RBFOX1: variants seen among roughly 807,000 people sequenced by gnomAD.
RBFOX1 encodes the protein RNA binding protein fox-1 homolog 1.
In RBFOX1, 8 loss-of-function variants were observed where a neutral mutation model predicts 57.7. The ratio of observed to expected loss-of-function variants is 0.14; its 90% confidence interval spans 0.08 to 0.25. RBFOX1 has a LOEUF of 0.25. Among genes scored for constraint, RBFOX1 ranks in the 10% least tolerant of loss-of-function variants. The probability of loss-of-function intolerance (pLI) is 1.00; values close to 1 mark genes in which losing one functional copy is unlikely to be tolerated. For missense variants in RBFOX1, 611 were observed against 548.5 expected (o/e 1.11, Z -1.14); for synonymous variants, 326 against 222.4 (o/e 1.47, Z -4.15).
At chr16:7,099,148 AAGTT>A (rs143294556) in intron 4 of RBFOX1, among the ~76,000 whole-genome samples, 4,412 of 152,274 alleles carry the variant, frequency 0.029, 116 homozygotes, top group Middle Eastern at 0.065. Context: ...TGTTTACTAA[AAGTT>A]AGTTGTAACC....
chr16:6,974,089 C>T (rs558699521), intron 3 of RBFOX1, among the ~76,000 whole-genome samples: 1 of 152,242 alleles, frequency 6.6e-6, no homozygotes, highest in East Asian at 1.9e-4. Context: ...CATCCATGTC[C>T]CTGCAAAGGA....
intron 3 of RBFOX1, among the ~76,000 whole-genome samples, chr16:6,804,226 A>G (rs1377646167): frequency 6.6e-6 from 1 of 151,520 alleles, no homozygotes; most frequent in East Asian, 2.0e-4. Flanking sequence ...GCCAGGCTGG[A>G]CTCAAACTCC....
chr16:7,414,712 G>T (rs560543569), intron 4 of RBFOX1, among the ~76,000 whole-genome samples: 1 of 152,256 alleles, frequency 6.6e-6, no homozygotes, highest in Non-Finnish European at 1.5e-5. Flanking sequence ...CCGCCTCCCG[G>T]GTTCAAGCGA....
At chr16:6,197,256 C>T (rs562641436) in intron 1 of RBFOX1, among the ~76,000 whole-genome samples, 9 of 152,238 alleles carry the variant, frequency 5.9e-5, no homozygotes, top group African/African-American at 1.7e-4. Flanking sequence ...ACTGAGATTT[C>T]TAGTTCCAGT....
In RBFOX1 at chr16:7,330,488, GTGTGTGTGTGTGTGTGTGTGTT is replaced by G. The variant is rs1172115274; in HGVS notation, c.28-187643_28-187622del. Among the ~76,000 whole-genome samples, 52 of 112,836 alleles carry G rather than the reference GTGTGTGTGTGTGTGTGTGTGTT, an allele frequency of 4.6e-4. 1 individual carries two copies. The highest frequency in any genetic ancestry group is 2.1e-3 in the African/African-American group (47 of 22,244). The allele number at this position is 112,836 out of a possible 152,430, so 74.0% of individuals were successfully genotyped here. On this transcript the variant is annotated intron_variant, in intron 4 of 15. Transcript: ENST00000550418. ...TGGAGAGCTCTGTGTGTGTGTGTGT[GTGTGTGTGTGTGTGTGTGTGTT>G]TGTGTGTGTGTGTGTAGAGAGAGAG...
chr16:7,142,525 A>G (rs1203909792), intron 4 of RBFOX1, among the ~76,000 whole-genome samples: 1 of 152,006 alleles, frequency 6.6e-6, no homozygotes, highest in Non-Finnish European at 1.5e-5. Context: ...GCTCTTCCCT[A>G]TACTGTTCTC....
chr16:7,601,509 G>C (rs751160946), intron 9 of RBFOX1, among the ~76,000 whole-genome samples: 8 of 152,138 alleles, frequency 5.3e-5, no homozygotes, highest in Non-Finnish European at 1.0e-4. Flanking sequence ...GATGCTAAAA[G>C]GGGCTGAACA....
chr16:7,023,422 T>C (rs947270028), intron 3 of RBFOX1, among the ~76,000 whole-genome samples: 6 of 150,818 alleles, frequency 4.0e-5, no homozygotes, highest in African/African-American at 1.5e-4. Context: ...ATCATGTCAT[T>C]GAATTCTAGC....
At chr16:6,256,211 GTATATATATGTATATATATATGTGTA>G (rs2097663641) in intron 1 of RBFOX1, among the ~76,000 whole-genome samples, 1 of 11,166 alleles carries the variant, frequency 9.0e-5, no homozygotes, top group Non-Finnish European at 2.1e-4. Context: ...ATGTATATGT[GTATATATATGTATATATATATGTGTA>G]TATATATATG....
intron 2 of RBFOX1, among the ~76,000 whole-genome samples, chr16:6,370,240 C>T (rs1278479944): frequency 1.5e-4 from 23 of 151,834 alleles, no homozygotes; most frequent in African/African-American, 5.3e-4. Context: ...CGGCTGTAGT[C>T]CCAGCTACTG....
At chr16:7,021,053 G>C (rs1422431388) in intron 3 of RBFOX1, among the ~76,000 whole-genome samples, 1 of 152,154 alleles carries the variant, frequency 6.6e-6, no homozygotes, top group Non-Finnish European at 1.5e-5. Flanking sequence ...GGTTGAACCT[G>C]GGAGGCAGAG....
At chr16:6,940,810 G>A (rs13332776) in intron 3 of RBFOX1, among the ~76,000 whole-genome samples, 50,378 of 133,714 alleles carry the variant, frequency 0.38, 10,037 homozygotes, top group African/African-American at 0.51. Flanking sequence ...GTGTGTGTGT[G>A]TAGCTGGGAG....
At chr16:6,645,210 A>C (rs2098524090) in intron 2 of RBFOX1, among the ~76,000 whole-genome samples, 1 of 152,188 alleles carries the variant, frequency 6.6e-6, no homozygotes, top group South Asian at 2.1e-4. Context: ...CCACCCAGAT[A>C]ATACAGAATT....
intron 13 of RBFOX1, among the ~76,000 whole-genome samples, chr16:7,671,825 T>C (rs930993554): frequency 6.6e-6 from 1 of 152,198 alleles, no homozygotes; most frequent in Admixed American, 6.5e-5. Flanking sequence ...CTTCCAAATA[T>C]GGGTGCTGTT....
chr16:7,484,078 A>G (rs983200193), intron 4 of RBFOX1, among the ~76,000 whole-genome samples: 12 of 152,192 alleles, frequency 7.9e-5, no homozygotes, highest in Admixed American at 2.0e-4. Flanking sequence ...AATAAATGGA[A>G]TCATACTGTG....
chr16:6,922,076 A>G (rs575135586), intron 3 of RBFOX1, among the ~76,000 whole-genome samples: 1 of 152,168 alleles, frequency 6.6e-6, no homozygotes, highest in Non-Finnish European at 1.5e-5. Context: ...CAGGTTAATC[A>G]CTGCCCAGAT....
chr16:7,681,608 A>G (rs1431629962), intron 14 of RBFOX1, among the ~76,000 whole-genome samples: 1 of 152,162 alleles, frequency 6.6e-6, no homozygotes, highest in Non-Finnish European at 1.5e-5. Flanking sequence ...GTCAGCATAT[A>G]AAGTATATGA....
At chr16:6,165,632 G>T (rs1274380418) in intron 1 of RBFOX1, among the ~76,000 whole-genome samples, 1 of 152,214 alleles carries the variant, frequency 6.6e-6, no homozygotes, top group African/African-American at 2.4e-5. Flanking sequence ...GTAGCAAACA[G>T]TTCTGCCTGC....
chr16:5,646,993 G>A (rs2049075648), intron 3 of RBFOX1, among the ~76,000 whole-genome samples: 1 of 152,186 alleles, frequency 6.6e-6, no homozygotes, highest in Non-Finnish European at 1.5e-5. Flanking sequence ...GCCGGCGGCT[G>A]CGATGGAGGC....
Sources: gnomAD v4.1 joint callset for allele counts (sites outside exome capture counted in the v4.1 genomes callset) on GRCh38, gnomAD v4.1.1 for gene constraint, MANE v1.5 for transcripts, NCBI Gene and HGNC (gene_info 2026-07-23, HGNC 2026-07-21) for gene names.